Variants in PRLR observed in about 807,000 individuals in gnomAD.
PRLR encodes the protein hPRL receptor.
A neutral mutation model predicts 40.2 loss-of-function variants in PRLR; 13 were observed. The observed-to-expected ratio is 0.32, with a 90% CI of 0.21 to 0.51. The LOEUF is 0.51. PRLR is among the 20% of genes least tolerant of loss of function. The pLI, the probability that PRLR is intolerant of heterozygous loss-of-function variation, is 0.97. For missense variants in PRLR, 656 were observed against 747.3 expected (o/e 0.88, Z 1.42); for synonymous variants, 269 against 278.7 (o/e 0.97, Z 0.35).
chr5:35,172,647 G>T (rs34101526), intron 1 of PRLR, among the ~76,000 whole-genome samples: 1 of 152,024 alleles, frequency 6.6e-6, no homozygotes, highest in Non-Finnish European at 1.5e-5. Context: ...GCCCTTCTCA[G>T]TTTGTCCTGT....
At chr5:35,152,715 A>C (rs1774376063) in intron 1 of PRLR, 1 of 152,214 alleles carries the variant, frequency 6.6e-6, no homozygotes, top group Non-Finnish European at 1.5e-5. Context: ...GAGCATGCAT[A>C]TTTTTAGTTT....
intron 1 of PRLR, among the ~76,000 whole-genome samples, chr5:35,181,337 G>A (rs1193544204): frequency 2.6e-5 from 4 of 152,184 alleles, no homozygotes; most frequent in Non-Finnish European, 5.9e-5. Flanking sequence ...AAAGAAGGGT[G>A]AGCCACATGT....
At chr5:35,119,342 G>C (rs1773192757) in intron 1 of PRLR, among the ~76,000 whole-genome samples, 2 of 151,672 alleles carry the variant, frequency 1.3e-5, no homozygotes, top group Non-Finnish European at 2.9e-5. Flanking sequence ...GCTGTGGTTG[G>C]CCACTAGCAC....
intron 2 of PRLR, among the ~76,000 whole-genome samples, chr5:35,110,992 A>G (rs572850792): frequency 6.6e-6 from 1 of 151,920 alleles, no homozygotes; most frequent in Admixed American, 6.6e-5. Flanking sequence ...CTTTCTCTGT[A>G]CCCCCACCCC....
intron 1 of PRLR, among the ~76,000 whole-genome samples, chr5:35,201,960 G>A (rs534136795): frequency 1.3e-5 from 2 of 152,218 alleles, no homozygotes; most frequent in Non-Finnish European, 2.9e-5. Context: ...CAATACCAAC[G>A]TAAGTAGAAT....
chr5:35,209,956 C>T (rs1776128448), intron 1 of PRLR, among the ~76,000 whole-genome samples: 1 of 152,212 alleles, frequency 6.6e-6, no homozygotes, highest in South Asian at 2.1e-4. Context: ...TGCCATCCCT[C>T]CACTTCAAAT....
intron 2 of PRLR, among the ~76,000 whole-genome samples, chr5:35,093,977 A>G (rs762704471): frequency 6.6e-6 from 1 of 152,222 alleles, no homozygotes; most frequent in East Asian, 1.9e-4. Flanking sequence ...CTAGGTTTGT[A>G]TAAGTATACT....
intron 2 of PRLR, among the ~76,000 whole-genome samples, chr5:35,107,335 A>G (rs1441631930): frequency 6.6e-6 from 1 of 152,202 alleles, no homozygotes; most frequent in Non-Finnish European, 1.5e-5. Context: ...GCAAGAGCAA[A>G]CACATTCAAA....
intron 2 of PRLR, among the ~76,000 whole-genome samples, chr5:35,113,468 TCCA>T (rs1772817630): frequency 1.4e-5 from 2 of 138,796 alleles, no homozygotes; most frequent in Non-Finnish European, 3.1e-5. Context: ...CATCCATCCA[TCCA>T]TCCATCCATC....
At chr5:35,227,715 A>G (rs1177586516) in intron 1 of PRLR, among the ~76,000 whole-genome samples, 4 of 152,214 alleles carry the variant, frequency 2.6e-5, no homozygotes, top group Non-Finnish European at 5.9e-5. Flanking sequence ...CCAGGACCCC[A>G]TGGAGAGAGA....
chr5:35,205,616 G>A (rs1775996249), intron 1 of PRLR, among the ~76,000 whole-genome samples: 1 of 152,120 alleles, frequency 6.6e-6, no homozygotes, highest in Admixed American at 6.6e-5. Context: ...CTGAATCCTG[G>A]AACACACATC....
chr5:35,150,382 A>G (rs769152945), intron 1 of PRLR, among the ~76,000 whole-genome samples: 3 of 152,214 alleles, frequency 2.0e-5, no homozygotes, highest in Non-Finnish European at 4.4e-5. Context: ...TTGAAATGCA[A>G]CGATGGGCTC....
At chr5:35,153,394 A>G (rs947605300) in intron 1 of PRLR, among the ~76,000 whole-genome samples, 1 of 152,104 alleles carries the variant, frequency 6.6e-6, no homozygotes, top group African/African-American at 2.4e-5. Flanking sequence ...AAAGATATGT[A>G]ATGATCAGCT....
chr5:35,188,571 G>A (rs957765578), intron 1 of PRLR, among the ~76,000 whole-genome samples: 2 of 152,214 alleles, frequency 1.3e-5, no homozygotes, highest in African/African-American at 4.8e-5. Context: ...GCATGGTTCT[G>A]TGTACACAGC....
exon 9 of PRLR, chr5:35,048,941 C>T (rs1768377759): frequency 8.2e-6 from 3 of 365,582 alleles, no homozygotes; most frequent in South Asian, 6.2e-5. Flanking sequence ...TCTTGGGTCA[C>T]CCTGTAAGGG....
intron 1 of PRLR, among the ~76,000 whole-genome samples, chr5:35,124,393 C>T (rs1189819457): frequency 1.3e-5 from 2 of 151,916 alleles, no homozygotes; most frequent in Non-Finnish European, 2.9e-5. Context: ...GCTGAGACAA[C>T]GTAAAATCCT....
chr5:35,176,578 CG>C (rs1403967614), intron 1 of PRLR, among the ~76,000 whole-genome samples: 1 of 152,198 alleles, frequency 6.6e-6, no homozygotes, highest in Non-Finnish European at 1.5e-5. Context: ...GGATTAAGGG[CG>C]GTGCAAGATG....
intron 2 of PRLR, among the ~76,000 whole-genome samples, chr5:35,098,616 AACTTT>A (rs1238065197): frequency 6.6e-6 from 1 of 152,238 alleles, no homozygotes; most frequent in East Asian, 1.9e-4. Flanking sequence ...AACACAAAAT[AACTTT>A]ACTTTGCCAT....
chr5:35,211,478 C>T (rs988681768), intron 1 of PRLR, among the ~76,000 whole-genome samples: 1 of 152,248 alleles, frequency 6.6e-6, no homozygotes, highest in South Asian at 2.1e-4. Flanking sequence ...ACTATTCTGT[C>T]TGCAAAGATA....
Sources: gnomAD v4.1 joint callset for allele counts (sites outside exome capture counted in the v4.1 genomes callset) on GRCh38, gnomAD v4.1.1 for gene constraint, MANE v1.5 for transcripts, NCBI Gene and HGNC (gene_info 2026-07-23, HGNC 2026-07-21) for gene names.